Variants in PRKCB observed in about 807,000 individuals in gnomAD.
PRKCB encodes the protein protein kinase C beta type.
In PRKCB, 13 loss-of-function variants were observed where a neutral mutation model predicts 81.5. The observed-to-expected ratio is 0.16, with a 90% CI of 0.10 to 0.25. PRKCB has a LOEUF of 0.25. PRKCB is among the 10% of genes least tolerant of loss of function. The pLI is 1.00. For synonymous variants in PRKCB, 335 were observed against 321.4 expected, an observed-to-expected ratio of 1.04 and a Z score of -0.45; for missense variants, 509 against 875.7, an observed-to-expected ratio of 0.58 and a Z score of 5.29.
rs531671446 is a variant in PRKCB, at chr16:24,153,278, A to G, written c.1066-1406A>G. 4.6e-5 allele frequency among the ~76,000 whole-genome samples: 7 copies of G among 151,818 alleles called. No homozygotes were observed. In the South Asian group the frequency reaches 1.5e-3, roughly 32 times the overall value. On this transcript the variant is annotated intron_variant, in intron 9 of 16. Coordinates refer to ENST00000643927, the MANE Select transcript of PRKCB (RefSeq NM_002738.7). ...AACTCTGGCCCTGATTGGTTCCCTT[A>G]CCCTCCTGAGCCTTAATTTCCTGCA...
At chr16:24,183,959 A>G (rs1298087690) in intron 13 of PRKCB, among the ~76,000 whole-genome samples, 1 of 152,176 alleles carries the variant, frequency 6.6e-6, no homozygotes, top group Non-Finnish European at 1.5e-5. Flanking sequence ...CATATGATAC[A>G]CCAATTCTAC....
At chr16:24,063,727 A>C (rs1448838308) in intron 5 of PRKCB, among the ~76,000 whole-genome samples, 1 of 152,154 alleles carries the variant, frequency 6.6e-6, no homozygotes, top group Non-Finnish European at 1.5e-5. Flanking sequence ...CTGTGGCAGG[A>C]AGAATGTTTG....
intron 2 of PRKCB, among the ~76,000 whole-genome samples, chr16:23,864,880 C>T (rs1962745439): frequency 1.3e-5 from 2 of 152,136 alleles, no homozygotes; most frequent in Admixed American, 1.3e-4. Context: ...TGACCCCCTT[C>T]CCCTATGCCC....
At chr16:24,045,469 T>C (rs1965752394) in intron 5 of PRKCB, among the ~76,000 whole-genome samples, 1 of 152,228 alleles carries the variant, frequency 6.6e-6, no homozygotes, top group South Asian at 2.1e-4. Flanking sequence ...CTCTTCTCTG[T>C]GCCTCTCGCC....
At position 24,087,117 on chromosome 16, in the gene PRKCB, C is replaced by T. The variant is rs756119318; in HGVS notation, c.530-5674C>T. 3.7e-4 allele frequency among the ~76,000 whole-genome samples: 56 copies of T among 152,116 alleles called. 1 individual carries two copies. Among genetic ancestry groups the T allele is most frequent in the Non-Finnish European group, 7.2e-4 (49 of 68,028 alleles). On this transcript the variant is annotated intron_variant, in intron 5 of 16. Transcript: ENST00000643927. The stretch of plus-strand genomic sequence containing the variant: ...CATGGTTTCCACTTATCCTGAAATA[C>T]TTCAGTTGTATTTCCCAAGAACAAA...
At chr16:24,144,381 C>T (rs1267750302) in intron 9 of PRKCB, among the ~76,000 whole-genome samples, 3 of 152,188 alleles carry the variant, frequency 2.0e-5, no homozygotes, top group African/African-American at 7.2e-5. Flanking sequence ...TCACTGCAAC[C>T]TCCACCTCTC....
At chr16:23,843,878 A>G (rs1469399987) in intron 2 of PRKCB, among the ~76,000 whole-genome samples, 2 of 150,450 alleles carry the variant, frequency 1.3e-5, no homozygotes, top group Non-Finnish European at 2.9e-5. Flanking sequence ...AAATAATTTT[A>G]TACACATTTG....
chr16:24,126,545 T>G (rs894195784), intron 9 of PRKCB, among the ~76,000 whole-genome samples: 5 of 152,122 alleles, frequency 3.3e-5, no homozygotes, highest in African/African-American at 9.7e-5. Flanking sequence ...AATAACTGCA[T>G]GCACCACCAT....
rs757273576 is a variant in PRKCB, at chr16:24,218,636, G to T, written c.*3820G>T. On this transcript the variant is annotated 3_prime_UTR_variant, in exon 17 of 17. Transcript: ENST00000643927. ...TGTAAAAGGTCTTTTGCAAAGGAGA[G>T]TGAACCCAGCAATGAGAGATCCTTA... is the stretch of plus-strand genomic sequence containing the variant. 457 of 976,956 alleles carry T rather than the reference G, an allele frequency of 4.7e-4. 3 individuals are homozygous for T. The highest frequency in any genetic ancestry group is 1.3e-4 in the Non-Finnish European group (106 of 827,870). 60.5% of individuals were successfully genotyped at this position (976,956 alleles called of 1,614,324 possible).
intron 3 of PRKCB, among the ~76,000 whole-genome samples, chr16:24,002,332 T>C (rs1965048755): frequency 1.3e-5 from 2 of 151,454 alleles, no homozygotes; most frequent in Admixed American, 6.6e-5. Context: ...TGCGTGCGTG[T>C]GTGTGTGTGC....
At chr16:23,969,314 A>G (rs943075931) in intron 2 of PRKCB, among the ~76,000 whole-genome samples, 5 of 152,216 alleles carry the variant, frequency 3.3e-5, no homozygotes, top group Non-Finnish European at 7.3e-5. Context: ...ACACTGTGGT[A>G]GTCCATCAGT....
chr16:24,143,645 C>G (rs1209540641), intron 9 of PRKCB, among the ~76,000 whole-genome samples: 1 of 152,122 alleles, frequency 6.6e-6, no homozygotes, highest in East Asian at 1.9e-4. Context: ...TCTGTCCCTC[C>G]CCAAGTTGAC....
At chr16:23,938,349 G>A (rs1178827118) in intron 2 of PRKCB, among the ~76,000 whole-genome samples, 2 of 152,184 alleles carry the variant, frequency 1.3e-5, no homozygotes, top group Non-Finnish European at 1.5e-5. Context: ...TACCACCACT[G>A]AAAAAGTTAA....
intron 16 of PRKCB, chr16:24,191,434 G>C: frequency 3.8e-4 from 178 of 464,170 alleles, no homozygotes; most frequent in Middle Eastern, 5.5e-4. Context: ...TATAAAGATG[G>C]AAACGACGAT....
At chr16:24,192,247 C>A (rs1967804542) in intron 16 of PRKCB, among the ~76,000 whole-genome samples, 4 of 152,182 alleles carry the variant, frequency 2.6e-5, no homozygotes, top group Admixed American at 1.3e-4. Flanking sequence ...TTTGTACAAG[C>A]CTGGTACAGA....
intron 5 of PRKCB, among the ~76,000 whole-genome samples, chr16:24,058,356 G>A (rs1231637492): frequency 1.3e-5 from 2 of 152,070 alleles, no homozygotes; most frequent in African/African-American, 4.8e-5. Context: ...TTGTGCTAGT[G>A]CAGTGCACAA....
intron 2 of PRKCB, among the ~76,000 whole-genome samples, chr16:23,972,142 G>A (rs868273414): frequency 6.6e-6 from 1 of 152,110 alleles, no homozygotes; most frequent in African/African-American, 2.4e-5. Context: ...ACGTGCATGC[G>A]CGAGTCTCAA....
intron 5 of PRKCB, among the ~76,000 whole-genome samples, chr16:24,091,483 A>G (rs367631947): frequency 6.6e-6 from 1 of 152,140 alleles, no homozygotes. Context: ...GACTACCTGC[A>G]TTACTGGTTT....
chr16:23,848,317 T>C (rs1388394085), intron 2 of PRKCB, among the ~76,000 whole-genome samples: 2 of 152,160 alleles, frequency 1.3e-5, no homozygotes, highest in African/African-American at 4.8e-5. Flanking sequence ...ACTCAAATCC[T>C]GAAATTCTAG....
Sources: gnomAD v4.1 joint callset for allele counts (sites outside exome capture counted in the v4.1 genomes callset) on GRCh38, gnomAD v4.1.1 for gene constraint, MANE v1.5 for transcripts, NCBI Gene and HGNC (gene_info 2026-07-23, HGNC 2026-07-21) for gene names.